Variants in PCBD2 observed in about 807,000 individuals in gnomAD.
The protein encoded by PCBD2 is pterin-4-alpha-carbinolamine dehydratase 2.
PCBD2 carries 12 observed loss-of-function variants against 16.4 expected under a neutral mutation model. The ratio of observed to expected loss-of-function variants is 0.73; its 90% CI spans 0.47 to 1.19. PCBD2 has a LOEUF of 1.19. Ranked by LOEUF, PCBD2 falls within the 50% of genes most tolerant of loss-of-function variation. The pLI, the probability that PCBD2 is intolerant of heterozygous loss-of-function variation, is 0.00. For missense variants in PCBD2, 138 were observed against 156.8 expected, an observed-to-expected ratio of 0.88 and a Z score of 0.64; for synonymous variants, 58 against 61.8, an observed-to-expected ratio of 0.94 and a Z score of 0.29.
chr5:134,954,236 C>T (rs554634377), intron 2 of PCBD2, among the ~76,000 whole-genome samples: 63 of 152,354 alleles, frequency 4.1e-4, no homozygotes, highest in African/African-American at 1.5e-3. Flanking sequence ...GCTGGGATTA[C>T]AGGCATGAAC....
chr5:134,952,722 C>T (rs931840042), intron 2 of PCBD2, among the ~76,000 whole-genome samples: 30 of 151,892 alleles, frequency 2.0e-4, no homozygotes, highest in African/African-American at 5.3e-4. Flanking sequence ...GGATGGATCC[C>T]GTGAGCCCAG....
intron 2 of PCBD2, among the ~76,000 whole-genome samples, chr5:134,919,262 G>A (rs141997901): frequency 7.2e-5 from 11 of 152,260 alleles, no homozygotes; most frequent in Admixed American, 2.6e-4. Context: ...TTGAGCTGAC[G>A]TGAAAGGTAT....
chr5:134,928,295 T>G (rs56364690), intron 2 of PCBD2: 222,896 of 386,402 alleles, frequency 0.58, 65,047 homozygotes, highest in East Asian at 0.77. Context: ...GATGGTAAAT[T>G]CTAGTATAAT....
At chr5:134,935,858 C>T (rs1185182146) in intron 2 of PCBD2, among the ~76,000 whole-genome samples, 1 of 152,190 alleles carries the variant, frequency 6.6e-6, no homozygotes, top group Non-Finnish European at 1.5e-5. Context: ...GCTAGGGCAG[C>T]GTGCGTAGCC....
intron 3 of PCBD2, among the ~76,000 whole-genome samples, chr5:134,960,007 C>G (rs779295993): frequency 1.3e-5 from 2 of 149,746 alleles, no homozygotes; most frequent in Non-Finnish European, 3.0e-5. Context: ...TCTGCTGCCT[C>G]AGCCTCCCGA....
At chr5:134,947,389 ATTTTTTTTTTTT>A (rs1220114582) in intron 2 of PCBD2, among the ~76,000 whole-genome samples, 3 of 103,052 alleles carry the variant, frequency 2.9e-5, no homozygotes, top group South Asian at 3.3e-4. Context: ...CCCGGCCTCA[ATTTTTTTTTTTT>A]TTTTTTTTTT....
At chr5:134,936,470 A>C (rs1366984638) in intron 2 of PCBD2, among the ~76,000 whole-genome samples, 1 of 152,222 alleles carries the variant, frequency 6.6e-6, no homozygotes, top group Non-Finnish European at 1.5e-5. Context: ...AGAGCAGCAG[A>C]TTGGTAACTG....
At chr5:134,953,138 G>A (rs1441897244) in intron 2 of PCBD2, among the ~76,000 whole-genome samples, 1 of 151,504 alleles carries the variant, frequency 6.6e-6, no homozygotes, top group Non-Finnish European at 1.5e-5. Context: ...TTGGATTTAT[G>A]TTCTTTACAT....
chr5:134,958,978 T>G (rs1481825439), intron 2 of PCBD2, 62 bp from the exon 3 acceptor site: 1 of 1,326,730 alleles, frequency 7.5e-7, no homozygotes, highest in African/African-American at 1.5e-5. Context: ...TGCTCTGTTG[T>G]GTCTCTCAGG....
At chr5:134,905,270 G>A (rs1293005817) in intron 1 of PCBD2, 47 bp downstream of exon 1, 9 of 1,215,970 alleles carry the variant, frequency 7.4e-6, no homozygotes, top group Non-Finnish European at 1.0e-6. Flanking sequence ...GTCGGGGGGC[G>A]GTGCGAGGCC....
intron 2 of PCBD2, chr5:134,924,550 G>A (rs2149532996): frequency 2.5e-6 from 1 of 398,568 alleles, no homozygotes; most frequent in East Asian, 3.6e-5. Context: ...ATTGGTGCGG[G>A]GGCTTTGTAT....
intron 1 of PCBD2, among the ~76,000 whole-genome samples, chr5:134,909,595 T>G (rs962266496): frequency 1.3e-5 from 2 of 152,168 alleles, no homozygotes; most frequent in African/African-American, 4.8e-5. Context: ...TTATTAGAGA[T>G]ATAACAGAGA....
At chr5:134,906,886 C>G (rs568013223) in intron 1 of PCBD2, among the ~76,000 whole-genome samples, 17 of 152,342 alleles carry the variant, frequency 1.1e-4, no homozygotes, top group African/African-American at 3.4e-4. Context: ...GCCTACCCCC[C>G]ATCCCCTGAA....
intron 2 of PCBD2, among the ~76,000 whole-genome samples, chr5:134,946,973 T>C (rs1751302675): frequency 6.6e-6 from 1 of 152,210 alleles, no homozygotes; most frequent in South Asian, 2.1e-4. Flanking sequence ...TAGTTTTATG[T>C]CATATATAAA....
intron 2 of PCBD2, chr5:134,924,801 T>C (rs1372512349): frequency 2.0e-5 from 8 of 393,026 alleles, no homozygotes; most frequent in Middle Eastern, 6.4e-4. Context: ...AGGCCAGGTC[T>C]AGGAGGAGTA....
intron 2 of PCBD2, among the ~76,000 whole-genome samples, chr5:134,929,857 A>G (rs1273284830): frequency 6.6e-6 from 1 of 152,044 alleles, no homozygotes; most frequent in East Asian, 1.9e-4. Context: ...ATGCCTGGCT[A>G]ATTTTTAAAA....
chr5:134,942,116 G>T (rs1217395408), intron 2 of PCBD2, among the ~76,000 whole-genome samples: 1 of 115,782 alleles, frequency 8.6e-6, no homozygotes, highest in African/African-American at 3.3e-5. Context: ...GGGCAATAGA[G>T]CAAGGCTCTG....
intron 2 of PCBD2, among the ~76,000 whole-genome samples, chr5:134,922,912 G>A (rs1245778300): frequency 1.3e-5 from 2 of 152,052 alleles, no homozygotes; most frequent in East Asian, 1.9e-4. Flanking sequence ...TCCTGACCTC[G>A]TGATCCACCC....
intron 2 of PCBD2, among the ~76,000 whole-genome samples, chr5:134,955,871 C>T (rs1007077970): frequency 6.6e-6 from 1 of 152,168 alleles, no homozygotes; most frequent in South Asian, 2.1e-4. Context: ...AAAGAAGGAG[C>T]AGATGCTTTT....
Sources: gnomAD v4.1 joint callset for allele counts (sites outside exome capture counted in the v4.1 genomes callset) on GRCh38, gnomAD v4.1.1 for gene constraint, MANE v1.5 for transcripts, NCBI Gene and HGNC (gene_info 2026-07-23, HGNC 2026-07-21) for gene names.